Variants in SRRM3 observed in about 807,000 individuals in gnomAD.
SRRM3 encodes the protein serine/arginine repetitive matrix 3, also known as serine/arginine repetitive matrix protein 3.
Under a neutral mutation model 66.2 loss-of-function variants are expected in SRRM3, and 27 were observed. The ratio of observed to expected loss-of-function variants is 0.41; its 90% CI spans 0.30 to 0.56. SRRM3 has a LOEUF of 0.56. SRRM3 is among the 20% of genes least tolerant of loss of function. The pLI is 0.32. For synonymous variants in SRRM3, 391 were observed against 414.9 expected (o/e 0.94, Z 0.70); for missense variants, 918 against 991.9 (o/e 0.93, Z 1.00).
At chr7:76,281,146 C>G (rs1802488493) in intron 11 of SRRM3, among the ~76,000 whole-genome samples, 1 of 149,884 alleles carries the variant, frequency 6.7e-6, no homozygotes, top group African/African-American at 2.5e-5. Context: ...TCTGCCTCCT[C>G]CCTCTCTCCC....
Position 76,282,753 on chromosome 7 carries a change from C to T in SRRM3, c.1476C>T (p.Pro492=). 6 of 1,464,636 alleles carry T rather than the reference C, an allele frequency of 4.1e-6. No homozygotes were observed. The highest frequency in any genetic ancestry group is 4.5e-6 in the Non-Finnish European group (5 of 1,114,294). The allele number at this position is 1,464,636 out of a possible 1,614,324, so 90.7% of individuals were successfully genotyped here. ...GPEGKSSSRS[P]GPHPRSWSSS... ...AAGGGAAGAGCTCGTCGCGCAGCCCCGGCCCGCACCCCCGCTCCTGGAGCT... is the reference window on the plus strand; with the variant it reads ...AAGGGAAGAGCTCGTCGCGCAGCCCTGGCCCGCACCCCCGCTCCTGGAGCT... The change falls in exon 13 of 15, where the codon CCC becomes CCT. Residue 492 remains proline, a synonymous_variant. Coordinates refer to ENST00000611745, the MANE Select transcript of SRRM3 (RefSeq NM_001110199.3).
At chr7:76,233,059 T>A (rs1047592999) in intron 1 of SRRM3, among the ~76,000 whole-genome samples, 19 of 152,018 alleles carry the variant, frequency 1.2e-4, no homozygotes, top group Admixed American at 4.6e-4. Context: ...TCTCAGTACT[T>A]TGGGAGGCCA....
chr7:76,259,783 G>T (rs1202847204), intron 3 of SRRM3, 123 bp from the exon 4 acceptor site: 2 of 1,476,594 alleles, frequency 1.4e-6, no homozygotes, highest in Non-Finnish European at 1.8e-6. Context: ...GTTACCCCTC[G>T]CCCCTCCCCC....
intron 1 of SRRM3, among the ~76,000 whole-genome samples, chr7:76,221,909 A>G (rs1800731937): frequency 6.6e-6 from 1 of 152,206 alleles, no homozygotes; most frequent in Non-Finnish European, 1.5e-5. Flanking sequence ...CTTATCGCCT[A>G]CCCAGGCACT....
chr7:76,243,792 A>C (rs1801369675), intron 2 of SRRM3, among the ~76,000 whole-genome samples: 1 of 152,210 alleles, frequency 6.6e-6, no homozygotes. Context: ...TTAGGGGCTA[A>C]GCAGTGTTGG....
At chr7:76,227,167 G>C (rs1458601426) in intron 1 of SRRM3, among the ~76,000 whole-genome samples, 3 of 145,926 alleles carry the variant, frequency 2.1e-5, no homozygotes, top group African/African-American at 7.6e-5. Flanking sequence ...TCAGTGGTAG[G>C]GTAAAGACTT....
intron 11 of SRRM3, among the ~76,000 whole-genome samples, chr7:76,280,902 T>C: frequency 6.6e-6 from 1 of 151,110 alleles, no homozygotes; most frequent in East Asian, 2.0e-4. Context: ...TTCTCTCTCT[T>C]CGCTCTTTCT....
At chr7:76,240,936 AC>A (rs1801280037) in intron 2 of SRRM3, among the ~76,000 whole-genome samples, 1 of 151,876 alleles carries the variant, frequency 6.6e-6, no homozygotes. Flanking sequence ...TCCCTCTGTC[AC>A]CCAGGCTGGA....
rs1161790432 is a variant in SRRM3, at chr7:76,235,271, G to C, written c.205G>C (p.Glu69Gln). 1.3e-6 allele frequency: 2 copies of C among 1,533,682 alleles called. No individual in the cohort carries two copies. The highest frequency in any genetic ancestry group is 2.0e-5 in the Admixed American group (1 of 50,688). Residue 69 changes from glutamate to glutamine, a missense_variant, in exon 2 of 15, where the codon GAG becomes CAG. By Grantham distance (29) the Glu-to-Gln change is conservative. Transcript: ENST00000611745. ...RKRRVELKCM[E>Q]LQEMMEEQGY... ...GCGGCGGGTGGAGCTCAAGTGCATG[G>C]AGCTGCAGGAGATGATGGAGGAGCA...
At chr7:76,217,551 G>A (rs1236410232) in intron 1 of SRRM3, among the ~76,000 whole-genome samples, 6 of 152,090 alleles carry the variant, frequency 3.9e-5, no homozygotes, top group African/African-American at 9.7e-5. Context: ...TCCCAATCAC[G>A]CTGGGATTAC....
intron 1 of SRRM3, among the ~76,000 whole-genome samples, chr7:76,203,521 T>A (rs1322267683): frequency 6.6e-6 from 1 of 152,164 alleles, no homozygotes. Context: ...AGGAGACAAG[T>A]AAGAATTTCT....
intron 10 of SRRM3, 62 bp downstream of exon 10, chr7:76,265,530 C>T: frequency 7.4e-7 from 1 of 1,356,902 alleles, no homozygotes. Context: ...GATTAAACAC[C>T]CCCAAGGGCT....
chr7:76,243,898 TG>T (rs35309176), intron 2 of SRRM3, among the ~76,000 whole-genome samples: 3 of 152,058 alleles, frequency 2.0e-5, no homozygotes, highest in Non-Finnish European at 2.9e-5. Flanking sequence ...CTGCCTCTGC[TG>T]GGGGGGTGGG....
intron 1 of SRRM3, among the ~76,000 whole-genome samples, chr7:76,210,188 C>T (rs2116934740): frequency 6.6e-6 from 1 of 152,330 alleles, no homozygotes; most frequent in African/African-American, 2.4e-5. Flanking sequence ...GCTGATGGCA[C>T]AGCCCTTGGT....
At chr7:76,229,575 C>T (rs1259922528) in intron 1 of SRRM3, among the ~76,000 whole-genome samples, 2 of 152,114 alleles carry the variant, frequency 1.3e-5, no homozygotes, top group African/African-American at 4.8e-5. Context: ...TTGGCATCCA[C>T]ATTGTGATAT....
At chr7:76,205,698 C>T (rs1175643506) in intron 1 of SRRM3, among the ~76,000 whole-genome samples, 1 of 152,210 alleles carries the variant, frequency 6.6e-6, no homozygotes, top group African/African-American at 2.4e-5. Flanking sequence ...TGCAGCTCAC[C>T]TCAAATTCTG....
intron 1 of SRRM3, among the ~76,000 whole-genome samples, chr7:76,219,692 T>TG (rs1800663189): frequency 6.6e-6 from 1 of 152,146 alleles, no homozygotes; most frequent in South Asian, 2.1e-4. Flanking sequence ...GTGGATCACT[T>TG]GAGGTCAGGA....
chr7:76,213,301 G>A (rs933733739), intron 1 of SRRM3, among the ~76,000 whole-genome samples: 6 of 151,920 alleles, frequency 3.9e-5, no homozygotes, highest in African/African-American at 1.5e-4. Flanking sequence ...GTGAGCCACC[G>A]TGCCCGGCTT....
intron 1 of SRRM3, among the ~76,000 whole-genome samples, chr7:76,233,133 A>T (rs1355739295): frequency 6.6e-6 from 1 of 152,032 alleles, no homozygotes; most frequent in African/African-American, 2.4e-5. Flanking sequence ...CAAGAACGTG[A>T]CTCTACAAAA....
Sources: allele counts gnomAD v4.1 joint callset (sites outside exome capture counted in the v4.1 genomes callset), GRCh38; gene constraint gnomAD v4.1.1; transcripts MANE v1.5; gene names NCBI Gene and HGNC (gene_info 2026-07-23, HGNC 2026-07-21).